The following CNTNAP2 variants were observed in gnomAD, a reference collection of about 807,000 sequenced individuals.
CNTNAP2 encodes contactin-associated protein-like 2.
A neutral mutation model predicts 155.2 loss-of-function variants in CNTNAP2; 98 were observed. The observed-to-expected ratio is 0.63, with a 90% CI of 0.54 to 0.75. CNTNAP2 has a LOEUF of 0.75. CNTNAP2 is among the 30% of genes least tolerant of loss of function. The probability of loss-of-function intolerance (pLI) is 0.00; values close to 1 mark genes in which losing one functional copy is unlikely to be tolerated. For missense variants in CNTNAP2, 1,727 were observed against 1,688.1 expected (o/e 1.02, Z -0.40); for synonymous variants, 651 against 631.2 (o/e 1.03, Z -0.47).
chr7:147,839,899 A>G (rs1019269367), intron 13 of CNTNAP2, among the ~76,000 whole-genome samples: 3 of 151,510 alleles, frequency 2.0e-5, no homozygotes, highest in Admixed American at 6.6e-5. Context: ...GTGTGTGTGT[A>G]TATATATGTG....
At chr7:147,530,694 A>G (rs1159816311) in intron 11 of CNTNAP2, among the ~76,000 whole-genome samples, 1 of 152,108 alleles carries the variant, frequency 6.6e-6, no homozygotes, top group Non-Finnish European at 1.5e-5. Context: ...TTGGGTGAGG[A>G]CACAGTCAAA....
intron 9 of CNTNAP2, among the ~76,000 whole-genome samples, chr7:147,339,027 C>T (rs1400812228): frequency 1.3e-5 from 2 of 151,972 alleles, no homozygotes; most frequent in African/African-American, 4.8e-5. Context: ...ATTTTAAATG[C>T]TGCCTTACAA....
At chr7:147,556,686 C>T (rs959325565) in intron 11 of CNTNAP2, among the ~76,000 whole-genome samples, 7 of 152,060 alleles carry the variant, frequency 4.6e-5, no homozygotes, top group African/African-American at 1.7e-4. Flanking sequence ...TAGATTTCCC[C>T]CCTAGAATTT....
intron 1 of CNTNAP2, among the ~76,000 whole-genome samples, chr7:146,452,229 T>A (rs1183589245): frequency 6.6e-6 from 1 of 152,118 alleles, no homozygotes; most frequent in Non-Finnish European, 1.5e-5. Context: ...TTTGTCTTCA[T>A]ACCACTTACC....
At chr7:147,838,684 G>T (rs1402648412) in intron 13 of CNTNAP2, among the ~76,000 whole-genome samples, 1 of 152,130 alleles carries the variant, frequency 6.6e-6, no homozygotes, top group Non-Finnish European at 1.5e-5. Flanking sequence ...GACTACCTCT[G>T]CCTGGATTTT....
chr7:147,157,053 T>C (rs911108581), intron 8 of CNTNAP2, among the ~76,000 whole-genome samples: 1 of 152,064 alleles, frequency 6.6e-6, no homozygotes, highest in African/African-American at 2.4e-5. Context: ...AGGCATGGCT[T>C]TTTGATGCCC....
At chr7:147,155,856 G>A (rs544051241) in intron 8 of CNTNAP2, among the ~76,000 whole-genome samples, 11 of 152,228 alleles carry the variant, frequency 7.2e-5, no homozygotes, top group African/African-American at 2.6e-4. Flanking sequence ...GAAATTGGAA[G>A]AGGGACCCTG....
At chr7:147,810,885 G>T (rs1798169060) in intron 13 of CNTNAP2, among the ~76,000 whole-genome samples, 1 of 152,154 alleles carries the variant, frequency 6.6e-6, no homozygotes, top group Admixed American at 6.5e-5. Flanking sequence ...AAGAACCGGG[G>T]TTCCTCCTTT....
At chr7:148,186,490 A>G (rs1001545651) in intron 18 of CNTNAP2, among the ~76,000 whole-genome samples, 1 of 152,340 alleles carries the variant, frequency 6.6e-6, no homozygotes, top group African/African-American at 2.4e-5. Flanking sequence ...TCACTGGATC[A>G]GATCCAAGTT....
At chr7:146,343,368 A>G (rs971846336) in intron 1 of CNTNAP2, among the ~76,000 whole-genome samples, 1 of 151,992 alleles carries the variant, frequency 6.6e-6, no homozygotes, top group African/African-American at 2.4e-5. Flanking sequence ...TTTTCGTGTA[A>G]AGAAAACAGT....
intron 10 of CNTNAP2, among the ~76,000 whole-genome samples, chr7:147,403,883 T>C (rs1796960018): frequency 6.6e-6 from 1 of 152,168 alleles, no homozygotes; most frequent in Admixed American, 6.5e-5. Context: ...TTCCTTTCTC[T>C]TTCACCTGAA....
intron 15 of CNTNAP2, among the ~76,000 whole-genome samples, chr7:147,992,514 T>C (rs1801729897): frequency 6.6e-6 from 1 of 152,208 alleles, no homozygotes; most frequent in South Asian, 2.1e-4. Flanking sequence ...GCATAACAAA[T>C]TGCTCTTTGG....
chr7:147,254,267 G>A (rs140992171), intron 8 of CNTNAP2, among the ~76,000 whole-genome samples: 1 of 152,130 alleles, frequency 6.6e-6, no homozygotes, highest in East Asian at 1.9e-4. Context: ...TTGACTATAA[G>A]GTTCTATAAG....
In CNTNAP2 at chr7:147,206,930, T is replaced by C. The variant is rs143653626; in HGVS notation, c.1348+74421T>C. On this transcript the variant is annotated intron_variant, in intron 8 of 23. Coordinates refer to ENST00000361727, the MANE Select transcript of CNTNAP2 (RefSeq NM_014141.6). The stretch of plus-strand genomic sequence containing the variant: ...CTTACAAAATCATCAGAACTACTGG[T>C]GGAGCAAAGGTGACGGAAATTACTG... Among the ~76,000 whole-genome samples the C allele has an allele frequency of 4.3e-3, 651 of 152,282 alleles. 4 individuals are homozygous for C. The highest frequency in any genetic ancestry group is 0.015 in the African/African-American group (622 of 41,566).
Position 148,068,685 on chromosome 7 carries a change from T to C in CNTNAP2, c.2384-49433T>C, listed in dbSNP as rs564897871. Among the ~76,000 whole-genome samples the C allele has an allele frequency of 6.6e-5, 10 of 152,340 alleles. No individual in the cohort carries two copies. The East Asian group carries it at 9.7e-4, about 15-fold the overall frequency. Reference sequence around the variant, plus strand: ...TTTTCTAGGGCTGATTTTTTCCCAATAATGTTATAATTTCCTTTTGAGTAC... The same window carrying C: ...TTTTCTAGGGCTGATTTTTTCCCAACAATGTTATAATTTCCTTTTGAGTAC... On this transcript the variant is annotated intron_variant, in intron 15 of 23. Transcript: ENST00000361727.
chr7:148,270,213 T>G (rs1358170389), intron 21 of CNTNAP2, among the ~76,000 whole-genome samples: 1 of 152,220 alleles, frequency 6.6e-6, no homozygotes, highest in Non-Finnish European at 1.5e-5. Context: ...CAACTAAGAA[T>G]GTACCTTGAC....
At chr7:147,584,682 G>A (rs1800582773) in intron 12 of CNTNAP2, among the ~76,000 whole-genome samples, 2 of 152,182 alleles carry the variant, frequency 1.3e-5, no homozygotes, top group Non-Finnish European at 1.5e-5. Context: ...CCCTGGAAAA[G>A]GGTTAGCAGC....
intron 3 of CNTNAP2, among the ~76,000 whole-genome samples, chr7:146,862,059 A>G (rs554108328): frequency 6.6e-6 from 1 of 152,244 alleles, no homozygotes; most frequent in South Asian, 2.1e-4. Flanking sequence ...TTTACCAGTT[A>G]GTGGATTGGG....
intron 3 of CNTNAP2, among the ~76,000 whole-genome samples, chr7:146,995,480 C>A (rs1798291878): frequency 6.6e-6 from 1 of 152,076 alleles, no homozygotes; most frequent in African/African-American, 2.4e-5. Context: ...GTTTTCTCCA[C>A]ATCCTTGCCA....
Sources: gnomAD v4.1 joint callset for allele counts (sites outside exome capture counted in the v4.1 genomes callset) on GRCh38, gnomAD v4.1.1 for gene constraint, MANE v1.5 for transcripts, NCBI Gene and HGNC (gene_info 2026-07-23, HGNC 2026-07-21) for gene names.